The following CTDSPL variants were observed in gnomAD, a reference collection of about 807,000 sequenced individuals.
CTDSPL encodes the protein CTD small phosphatase-like protein.
CTDSPL carries 8 observed loss-of-function variants against 30.5 expected under a neutral mutation model. That is an observed-to-expected ratio of 0.26 (90% CI 0.15 to 0.47). The LOEUF (loss-of-function observed/expected upper bound fraction) is 0.47. CTDSPL is among the 20% of genes least tolerant of loss of function. The pLI is 0.99. For synonymous variants in CTDSPL, 110 were observed against 137.9 expected, an observed-to-expected ratio of 0.80 and a Z score of 1.42; for missense variants, 248 against 366.1, an observed-to-expected ratio of 0.68 and a Z score of 2.63.
rs572472356 is a variant in CTDSPL, at chr3:37,904,124, G to T, written c.79+41846G>T. On this transcript the variant is annotated intron_variant, in intron 1 of 7. Transcript: ENST00000273179. The stretch of plus-strand genomic sequence containing the variant: ...AATTCTATAGGATAAAGTTGGCTCT[G>T]TGGGCTGGCTGCCTGTCAGACTGCC... Among the ~76,000 whole-genome samples the T allele has an allele frequency of 2.5e-3, 375 of 152,126 alleles. 2 individuals are homozygous for T. The highest frequency in any genetic ancestry group is 8.6e-3 in the African/African-American group (358 of 41,406).
At chr3:37,930,435 C>A (rs1289573599) in intron 1 of CTDSPL, among the ~76,000 whole-genome samples, 2 of 151,602 alleles carry the variant, frequency 1.3e-5, no homozygotes, top group Non-Finnish European at 2.9e-5. Flanking sequence ...CTAATTTTTT[C>A]TTTTCCTTTT....
At chr3:37,912,940 A>G (rs889051764) in intron 1 of CTDSPL, among the ~76,000 whole-genome samples, 1 of 152,216 alleles carries the variant, frequency 6.6e-6, no homozygotes, top group African/African-American at 2.4e-5. Context: ...TAATCTTCAC[A>G]AAAATTTTCC....
chr3:37,899,052 A>C (rs1055700607), intron 1 of CTDSPL, among the ~76,000 whole-genome samples: 1 of 152,184 alleles, frequency 6.6e-6, no homozygotes, highest in Admixed American at 6.5e-5. Context: ...ATCAGGTCAT[A>C]TATGGAGAGC....
intron 1 of CTDSPL, among the ~76,000 whole-genome samples, chr3:37,898,122 G>T (rs895191696): frequency 6.6e-6 from 1 of 152,058 alleles, no homozygotes; most frequent in Non-Finnish European, 1.5e-5. Context: ...ATTTATTGCC[G>T]GAATGAGTCC....
chr3:37,958,965 G>C (rs1263669032), intron 3 of CTDSPL, among the ~76,000 whole-genome samples: 5 of 152,186 alleles, frequency 3.3e-5, no homozygotes, highest in Middle Eastern at 3.2e-3. Context: ...GCACCTACCT[G>C]AAAAGGCGCC....
chr3:37,952,228 G>A (rs1347657262), intron 2 of CTDSPL, among the ~76,000 whole-genome samples: 1 of 152,044 alleles, frequency 6.6e-6, no homozygotes, highest in Non-Finnish European at 1.5e-5. Flanking sequence ...GAGAGAGAGA[G>A]AAAGTGAGAA....
intron 1 of CTDSPL, among the ~76,000 whole-genome samples, chr3:37,879,475 A>G (rs903441988): frequency 4.6e-5 from 7 of 152,236 alleles, no homozygotes; most frequent in African/African-American, 1.7e-4. Flanking sequence ...GTAACCCTTC[A>G]TAGTCTGGCC....
intron 1 of CTDSPL, among the ~76,000 whole-genome samples, chr3:37,864,452 GTTGT>G (rs1408622623): frequency 6.6e-6 from 1 of 152,114 alleles, no homozygotes; most frequent in Non-Finnish European, 1.5e-5. Context: ...TGTCAGATTG[GTTGT>G]TTGTTAACCG....
chr3:37,862,107 C>G lies in CTDSPL; in HGVS notation c.-93C>G. 1 of 369,370 alleles carries G rather than the reference C, an allele frequency of 2.7e-6. No individual in the cohort carries two copies. Among genetic ancestry groups the G allele is most frequent in the Non-Finnish European group, 3.7e-6 (1 of 272,190 alleles). The allele number at this position is 369,370 out of a possible 1,614,324, so 22.9% of individuals were successfully genotyped here. A position where few individuals can be genotyped will look rare whatever the true frequency, so the allele number is the denominator to read the frequency against. ...CCCAGGCAGCGGCTGCGAGCGCCCC[C>G]CCGCGCCGCGCCCCCGCGCCCCCCG... On this transcript the variant is annotated 5_prime_UTR_variant, in exon 1 of 8. Coordinates refer to ENST00000273179, the MANE Select transcript of CTDSPL (RefSeq NM_001008392.2). The surrounding 1 kb of genome is among the most constrained non-coding windows in gnomAD (Gnocchi z 4.3).
chr3:37,943,549 T>C (rs991054826), intron 1 of CTDSPL, among the ~76,000 whole-genome samples: 1 of 150,430 alleles, frequency 6.6e-6, no homozygotes, highest in African/African-American at 2.4e-5. Flanking sequence ...CGGAATATTT[T>C]AGACTGACGT....
intron 1 of CTDSPL, among the ~76,000 whole-genome samples, chr3:37,918,815 T>C (rs1011720253): frequency 7.2e-5 from 11 of 152,184 alleles, no homozygotes; most frequent in Admixed American, 5.9e-4. Flanking sequence ...AAACTGTATG[T>C]GATCTGGGCC....
At chr3:37,868,399 A>G (rs1698036467) in intron 1 of CTDSPL, among the ~76,000 whole-genome samples, 1 of 152,126 alleles carries the variant, frequency 6.6e-6, no homozygotes, top group Non-Finnish European at 1.5e-5. Context: ...TTTCAGAGCA[A>G]AAGTTTTAAA....
At chr3:37,928,609 T>A (rs1295234138) in intron 1 of CTDSPL, among the ~76,000 whole-genome samples, 1 of 152,206 alleles carries the variant, frequency 6.6e-6, no homozygotes. Flanking sequence ...CGTTTTTTAA[T>A]CAGGTTATTT....
Position 37,943,779 on chromosome 3 carries a change from A to G in CTDSPL, c.80-3278A>G, listed in dbSNP as rs114445727. On this transcript the variant is annotated intron_variant, in intron 1 of 7. Coordinates refer to ENST00000273179, the MANE Select transcript of CTDSPL (RefSeq NM_001008392.2). ...AAAGTCTTGGTCAAAGCAGAGAAGC[A>G]ACAAGACCCCTTTTGTGTGTACAAG... Among the ~76,000 whole-genome samples, 610 of 150,542 alleles carry G rather than the reference A, an allele frequency of 4.1e-3. 13 individuals are homozygous for G. The highest frequency in any genetic ancestry group is 0.014 in the African/African-American group (589 of 41,416).
intron 1 of CTDSPL, among the ~76,000 whole-genome samples, chr3:37,922,392 G>C (rs1211190141): frequency 6.6e-6 from 1 of 152,160 alleles, no homozygotes; most frequent in Non-Finnish European, 1.5e-5. Context: ...TCCCAAGACT[G>C]AGCCTGTGTG....
chr3:37,932,184 A>C (rs1698862700), intron 1 of CTDSPL, among the ~76,000 whole-genome samples: 1 of 152,186 alleles, frequency 6.6e-6, no homozygotes, highest in Non-Finnish European at 1.5e-5. Flanking sequence ...TTGGAGGAAA[A>C]GGGCAGATTC....
At chr3:37,932,471 C>G (rs576382801) in intron 1 of CTDSPL, among the ~76,000 whole-genome samples, 6 of 152,060 alleles carry the variant, frequency 3.9e-5, no homozygotes, top group Admixed American at 1.3e-4. Context: ...GACAAAGGAA[C>G]TCTTATAAAT....
At chr3:37,874,405 A>G (rs1698110209) in intron 1 of CTDSPL, among the ~76,000 whole-genome samples, 1 of 152,208 alleles carries the variant, frequency 6.6e-6, no homozygotes, top group Admixed American at 6.5e-5. Flanking sequence ...ATGGTCAGGA[A>G]ATGCTCTGGC....
At position 37,902,796 on chromosome 3, in the gene CTDSPL, C is replaced by T. The variant is rs186126782; in HGVS notation, c.79+40518C>T. ...CCTGCCCCAGGGGTCACCGGTCACCCGTTAACTACAGGACACATTGTGGCT... is the reference window on the plus strand; with the variant it reads ...CCTGCCCCAGGGGTCACCGGTCACCTGTTAACTACAGGACACATTGTGGCT... On this transcript the variant is annotated intron_variant, in intron 1 of 7. Transcript: ENST00000273179. Among the ~76,000 whole-genome samples the T allele has an allele frequency of 3.0e-3, 455 of 152,258 alleles. 2 individuals are homozygous for T. Among genetic ancestry groups the T allele is most frequent in the Middle Eastern group, 0.01 (3 of 294 alleles).
Sources: allele counts gnomAD v4.1 joint callset (sites outside exome capture counted in the v4.1 genomes callset), GRCh38; gene constraint gnomAD v4.1.1; non-coding constraint Gnocchi (gnomAD v3.1); transcripts MANE v1.5; gene names NCBI Gene and HGNC (gene_info 2026-07-23, HGNC 2026-07-21).